DLG2: variants seen among roughly 807,000 people sequenced by gnomAD.
The protein encoded by DLG2 is disks large homolog 2.
A neutral mutation model predicts 132.5 loss-of-function variants in DLG2; 45 were observed. The observed-to-expected ratio is 0.34, with a 90% CI of 0.27 to 0.44. The LOEUF (loss-of-function observed/expected upper bound fraction) is 0.44. DLG2 is among the 20% of genes least tolerant of loss of function. DLG2 has a pLI of 1.00. For synonymous variants in DLG2, 424 were observed against 419.6 expected (o/e 1.01, Z -0.13); for missense variants, 1,045 against 1,196.9 (o/e 0.87, Z 1.87).
chr11:84,516,342 T>C (rs927698603), intron 7 of DLG2, among the ~76,000 whole-genome samples: 1 of 151,460 alleles, frequency 6.6e-6, no homozygotes, highest in Admixed American at 6.6e-5. Flanking sequence ...AGACTAAGTA[T>C]AATAAAAACA....
intron 6 of DLG2, among the ~76,000 whole-genome samples, chr11:84,877,691 G>A (rs189495207): frequency 1.1e-4 from 17 of 151,794 alleles, no homozygotes; most frequent in South Asian, 2.1e-4. Context: ...CATTTAGCCC[G>A]TTTATATTTA....
chr11:83,608,013 CG>C (rs145567321), intron 19 of DLG2, among the ~76,000 whole-genome samples: 2,036 of 152,228 alleles, frequency 0.013, 49 homozygotes, highest in African/African-American at 0.046. Context: ...GGACGTCTTA[CG>C]GGGTGTTAGA....
In DLG2 at chr11:84,180,461, T is replaced by C; in HGVS notation, c.574-16950A>G. 1.3e-5 allele frequency among the ~76,000 whole-genome samples: 2 copies of C among 151,970 alleles called. 1 individual carries two copies. The highest frequency in any genetic ancestry group is 2.9e-5 in the Non-Finnish European group (2 of 67,990). ...ACAGAGAAAGAAACAGAAGCAATAT[T>C]TGAGGCAATAATGACTGAAAATTTC... On this transcript the variant is annotated intron_variant, in intron 8 of 27. Transcript: ENST00000376104.
At chr11:85,169,252 T>G (rs2078675488) in intron 4 of DLG2, among the ~76,000 whole-genome samples, 1 of 152,192 alleles carries the variant, frequency 6.6e-6, no homozygotes, top group African/African-American at 2.4e-5. Flanking sequence ...ATTGTATATG[T>G]GGATGCAGAA....
At chr11:85,443,164 G>C (rs932030660) in intron 3 of DLG2, among the ~76,000 whole-genome samples, 5 of 152,102 alleles carry the variant, frequency 3.3e-5, no homozygotes. Context: ...CTTAAGATCT[G>C]TCACTAATTT....
chr11:85,588,150 T>A (rs1458251958), intron 3 of DLG2, among the ~76,000 whole-genome samples: 1 of 152,208 alleles, frequency 6.6e-6, no homozygotes, highest in Non-Finnish European at 1.5e-5. Flanking sequence ...GTTCTTGACT[T>A]TATATAACCT....
chr11:84,812,399 A>T (rs1397661551), intron 6 of DLG2, among the ~76,000 whole-genome samples: 1 of 152,176 alleles, frequency 6.6e-6, no homozygotes, highest in Non-Finnish European at 1.5e-5. Context: ...GTAAAAGCAC[A>T]GAATAGTATC....
At chr11:85,360,265 C>T (rs2084044883) in intron 3 of DLG2, among the ~76,000 whole-genome samples, 1 of 152,182 alleles carries the variant, frequency 6.6e-6, no homozygotes, top group Non-Finnish European at 1.5e-5. Context: ...GTCTGAAAGG[C>T]TTCCATTCTT....
chr11:84,455,674 C>A (rs1013964547), intron 7 of DLG2, among the ~76,000 whole-genome samples: 7 of 151,278 alleles, frequency 4.6e-5, no homozygotes, highest in Non-Finnish European at 1.0e-4. Context: ...ATCATACATA[C>A]AACACATACT....
chr11:84,120,015 C>G (rs1323656390), intron 9 of DLG2, among the ~76,000 whole-genome samples: 1 of 152,110 alleles, frequency 6.6e-6, no homozygotes, highest in Non-Finnish European at 1.5e-5. Context: ...AAGGAGGGGA[C>G]TAGGAAGAGA....
intron 6 of DLG2, among the ~76,000 whole-genome samples, chr11:84,819,086 C>CACACACAT (rs990979286): frequency 6.8e-6 from 1 of 147,036 alleles, no homozygotes; most frequent in African/African-American, 2.5e-5. Context: ...TACACACACA[C>CACACACAT]ACACACACAC....
At chr11:83,907,840 C>T (rs2075305905) in intron 15 of DLG2, among the ~76,000 whole-genome samples, 1 of 152,074 alleles carries the variant, frequency 6.6e-6, no homozygotes, top group South Asian at 2.1e-4. Context: ...TGGTTTTGGC[C>T]TTGTCTGCTG....
intron 8 of DLG2, among the ~76,000 whole-genome samples, chr11:84,216,524 T>C (rs770462766): frequency 2.0e-5 from 3 of 152,198 alleles, no homozygotes. Context: ...AATGGACACA[T>C]ACTTTCAATG....
At chr11:84,818,796 A>T (rs2077347934) in intron 6 of DLG2, among the ~76,000 whole-genome samples, 1 of 151,910 alleles carries the variant, frequency 6.6e-6, no homozygotes, top group Admixed American at 6.6e-5. Flanking sequence ...GACTTGCCCA[A>T]ATACTCATCT....
chr11:85,522,778 C>T lies in DLG2; in HGVS notation c.40+75879G>A, dbSNP rs568854016. Among the ~76,000 whole-genome samples the T allele has an allele frequency of 1.1e-4, 16 of 152,274 alleles. No individual in the cohort carries two copies. The East Asian group carries it at 1.2e-3, about 11-fold the overall frequency. On this transcript the variant is annotated intron_variant, in intron 3 of 27. Coordinates refer to ENST00000376104, the MANE Select transcript of DLG2 (RefSeq NM_001142699.3). ...CTTTGTTTTGGCCAATTTTCCCATT[C>T]GGAATGGGTGGATTTACCCAATGCC...
chr11:85,571,632 T>G (rs141035389), intron 3 of DLG2, among the ~76,000 whole-genome samples: 1 of 152,234 alleles, frequency 6.6e-6, no homozygotes. Context: ...TCCATACACA[T>G]GCATTTGGTC....
At chr11:84,042,016 C>T (rs1303723290) in intron 11 of DLG2, among the ~76,000 whole-genome samples, 11 of 151,894 alleles carry the variant, frequency 7.2e-5, no homozygotes, top group Admixed American at 7.2e-4. Flanking sequence ...TGAGGCCTCC[C>T]CAGCCACGTG....
chr11:83,531,942 C>A (rs12294748), intron 21 of DLG2, among the ~76,000 whole-genome samples: 36,502 of 140,596 alleles, frequency 0.26, 5,091 homozygotes, highest in African/African-American at 0.37. Flanking sequence ...CCAGGATAGG[C>A]AAATCCATAG....
intron 7 of DLG2, among the ~76,000 whole-genome samples, chr11:84,482,520 G>A (rs1338265105): frequency 3.3e-5 from 5 of 152,172 alleles, no homozygotes; most frequent in Non-Finnish European, 7.4e-5. Context: ...ACTTTGTATT[G>A]CCTCATCTGT....
Sources: allele counts gnomAD v4.1 joint callset (sites outside exome capture counted in the v4.1 genomes callset), GRCh38; gene constraint gnomAD v4.1.1; transcripts MANE v1.5; gene names NCBI Gene and HGNC (gene_info 2026-07-23, HGNC 2026-07-21).